SMAD6: variants seen among roughly 807,000 people sequenced by gnomAD.
SMAD6 encodes the protein SMAD family member 6.
In SMAD6, 103 loss-of-function variants were observed where a neutral mutation model predicts 39.4. The observed-to-expected ratio is 2.62, with a 90% CI of 2.23 to 3.08. The LOEUF (loss-of-function observed/expected upper bound fraction) is 3.08. SMAD6 is among the 30% of genes most tolerant of loss of function. The pLI, the probability that SMAD6 is intolerant of heterozygous loss-of-function variation, is 0.00. For missense variants in SMAD6, 1,104 were observed against 742.9 expected (o/e 1.49, Z -5.65); for synonymous variants, 445 against 353.3 (o/e 1.26, Z -2.91).
At chr15:66,780,497 G>A (rs1249718739) in intron 3 of SMAD6, among the ~76,000 whole-genome samples, 1 of 152,168 alleles carries the variant, frequency 6.6e-6, no homozygotes, top group Non-Finnish European at 1.5e-5. Flanking sequence ...CTGGCGGGGT[G>A]CCCTCCTCTG....
At chr15:66,751,130 C>G (rs539520904) in intron 3 of SMAD6, among the ~76,000 whole-genome samples, 3 of 152,274 alleles carry the variant, frequency 2.0e-5, no homozygotes, top group African/African-American at 4.8e-5. Context: ...GCCTGAGATT[C>G]TCTGAGTAAA....
At position 66,703,440 on chromosome 15, in the gene SMAD6, G is replaced by T. The variant is rs1306731976; in HGVS notation, c.182G>T (p.Arg61Leu). Residue 61 changes from arginine (R) to leucine (L), a missense_variant, in exon 1 of 4, where the codon CGC becomes CTC. Arg to Leu is a moderately radical substitution (Grantham distance 102). Coordinates refer to ENST00000288840, the MANE Select transcript of SMAD6 (RefSeq NM_005585.5). ...EGGGCGRSEVRPVAPRRPRDA... is the reference protein window; with the variant it reads ...EGGGCGRSEVLPVAPRRPRDA... ...GGAGGCTGCGGCCGCTCCGAAGTCCGCCCGGTAGCCCCGCGGCGGCCCCGG... is the reference window on the plus strand; with the variant it reads ...GGAGGCTGCGGCCGCTCCGAAGTCCTCCCGGTAGCCCCGCGGCGGCCCCGG... 1 of 1,279,070 alleles carries T rather than the reference G, an allele frequency of 7.8e-7. No homozygotes were observed. The highest frequency in any genetic ancestry group is 9.9e-7 in the Non-Finnish European group (1 of 1,009,424). The allele number at this position is 1,279,070 out of a possible 1,614,324, so 79.2% of individuals were successfully genotyped here. A position where few individuals can be genotyped will look rare whatever the true frequency, so the allele number is the denominator to read the frequency against.
At chr15:66,727,919 C>T (rs993411794) in intron 3 of SMAD6, among the ~76,000 whole-genome samples, 1 of 152,004 alleles carries the variant, frequency 6.6e-6, no homozygotes, top group East Asian at 1.9e-4. Context: ...ATGGCGCGAT[C>T]TCCGCTCGCG....
chr15:66,759,882 G>A (rs974054426), intron 3 of SMAD6, among the ~76,000 whole-genome samples: 4 of 152,220 alleles, frequency 2.6e-5, no homozygotes, highest in African/African-American at 4.8e-5. Flanking sequence ...ATTGGGAACT[G>A]TTTGGGTTCT....
chr15:66,777,402 CA>C (rs534292197), intron 3 of SMAD6, among the ~76,000 whole-genome samples: 1 of 151,840 alleles, frequency 6.6e-6, no homozygotes, highest in East Asian at 1.9e-4. Context: ...TAGGTTGGTG[CA>C]AAAGTAATTG....
intron 2 of SMAD6, among the ~76,000 whole-genome samples, chr15:66,713,350 C>T (rs1025024734): frequency 1.3e-5 from 2 of 152,148 alleles, no homozygotes; most frequent in African/African-American, 2.4e-5. Flanking sequence ...GATGGAGTCT[C>T]GCTCTGTCAC....
rs779863048 is a variant in SMAD6 at position 66,711,725 on chromosome 15, G to C, written c.874+1G>C. ...CCTCGCGACGAGTACAAGCCACTGGGTAAGTGTGCCCTCCTTCCTACCCTT... is the reference window on the plus strand; with the variant it reads ...CCTCGCGACGAGTACAAGCCACTGGCTAAGTGTGCCCTCCTTCCTACCCTT... On this transcript the variant is annotated splice_donor_variant, in intron 2 of 3. Coordinates refer to ENST00000288840, the MANE Select transcript of SMAD6 (RefSeq NM_005585.5). LOFTEE classifies it high-confidence loss of function. 3.7e-6 allele frequency: 6 copies of C among 1,612,630 alleles called. No individual in the cohort carries two copies. The highest frequency in any genetic ancestry group is 1.1e-5 in the South Asian group (1 of 91,070).
At chr15:66,730,849 A>G (rs1893614940) in intron 3 of SMAD6, among the ~76,000 whole-genome samples, 1 of 152,242 alleles carries the variant, frequency 6.6e-6, no homozygotes, top group Non-Finnish European at 1.5e-5. Flanking sequence ...GCTGGTAAAT[A>G]CAGAGCTGGG....
Position 66,781,490 on chromosome 15 carries a change from C to T in SMAD6, c.1446C>T (p.Thr482=), listed in dbSNP as rs752078834. ...WGPCYSRQFI[T]SCPCWLEILL... ...CCTGCTACTCCCGGCAGTTCATCACCTCCTGCCCCTGCTGGCTGGAGATCC... is the reference window on the plus strand; with the variant it reads ...CCTGCTACTCCCGGCAGTTCATCACTTCCTGCCCCTGCTGGCTGGAGATCC... Residue 482 remains threonine (T), a synonymous_variant, in exon 4 of 4, where the codon ACC becomes ACT. Coordinates refer to ENST00000288840, the MANE Select transcript of SMAD6 (RefSeq NM_005585.5). 6 of 1,580,140 alleles carry T rather than the reference C, an allele frequency of 3.8e-6. No homozygotes were observed. Among genetic ancestry groups the T allele is most frequent in the Non-Finnish European group, 5.1e-6 (6 of 1,165,514 alleles).
intron 3 of SMAD6, among the ~76,000 whole-genome samples, chr15:66,720,337 G>C (rs1403402566): frequency 6.6e-6 from 1 of 152,074 alleles, no homozygotes; most frequent in Non-Finnish European, 1.5e-5. Flanking sequence ...CAGAGGGCAG[G>C]GTTCTCTCAG....
rs113415026 is a variant in SMAD6, at chr15:66,723,568, A to G, written c.952+7070A>G. Among the ~76,000 whole-genome samples the G allele has an allele frequency of 4.9e-3, 746 of 152,262 alleles. 4 individuals carry two copies. Among genetic ancestry groups the G allele is most frequent in the African/African-American group, 0.017 (708 of 41,550 alleles). ...GTGGCACACACCTGTAGTCCCAGCC[A>G]CTGAGGTAGGAGGATCACTTGAGCT... On this transcript the variant is annotated intron_variant, in intron 3 of 3. Transcript: ENST00000288840.
intron 3 of SMAD6, among the ~76,000 whole-genome samples, chr15:66,722,405 C>T (rs1893449953): frequency 6.6e-6 from 1 of 152,184 alleles, no homozygotes; most frequent in Non-Finnish European, 1.5e-5. Context: ...GAATGGTGCT[C>T]TGAAACAATC....
Position 66,757,906 on chromosome 15 carries a change from C to T in SMAD6, c.953-23091C>T, listed in dbSNP as rs189651302. On this transcript the variant is annotated intron_variant, in intron 3 of 3. Transcript: ENST00000288840. ...GTGGCCTGACTAGGGGCAGTAGGGA[C>T]AGCTCTCAGGCACGTGTGCCTACCT... Among the ~76,000 whole-genome samples the T allele has an allele frequency of 2.4e-3, 372 of 152,326 alleles. 5 individuals carry two copies. Among genetic ancestry groups the T allele is most frequent in the African/African-American group, 8.6e-3 (359 of 41,568 alleles).
At chr15:66,743,560 T>C (rs992020254) in intron 3 of SMAD6, among the ~76,000 whole-genome samples, 1 of 140,662 alleles carries the variant, frequency 7.1e-6, no homozygotes, top group East Asian at 2.2e-4. Context: ...CCTACCTCAA[T>C]AGCATTTCCT....
At chr15:66,775,081 C>T (rs551590329) in intron 3 of SMAD6, among the ~76,000 whole-genome samples, 230 of 152,142 alleles carry the variant, frequency 1.5e-3, no homozygotes, top group African/African-American at 5.4e-3. Context: ...AGGCTGGTCT[C>T]GAACTCCTGA....
In SMAD6 at chr15:66,703,311, T is replaced by C; in HGVS notation, c.53T>C (p.Val18Ala). 1 of 1,489,982 alleles carries C rather than the reference T, an allele frequency of 6.7e-7. No individual in the cohort carries two copies. Among genetic ancestry groups the C allele is most frequent in the Non-Finnish European group, 8.9e-7 (1 of 1,119,048 alleles). The allele number at this position is 1,489,982 out of a possible 1,614,324, so 92.3% of individuals were successfully genotyped here. Residue 18 changes from valine to alanine, a missense_variant, in exon 1 of 4, where the codon GTG becomes GCG. Transcript: ENST00000288840. ...GTGCGGCGACTTTGGCGAAGTCGTG[T>C]GGTCCCCGACCGGGAGGAAGGCGGC... ...GLVRRLWRSR[V>A]VPDREEGGSG...
At chr15:66,707,026 A>T (rs903822028) in intron 1 of SMAD6, 1 of 151,166 alleles carries the variant, frequency 6.6e-6, no homozygotes, top group Admixed American at 6.6e-5. Flanking sequence ...TCAGGAGGGG[A>T]CCCACCTCTT....
chr15:66,754,087 T>C (rs1274636194), intron 3 of SMAD6, among the ~76,000 whole-genome samples: 1 of 152,222 alleles, frequency 6.6e-6, no homozygotes, highest in African/African-American at 2.4e-5. Flanking sequence ...GAATGGGTGC[T>C]ATGGCTGCCT....
At chr15:66,746,573 TCAC>T (rs1183220065) in intron 3 of SMAD6, among the ~76,000 whole-genome samples, 2 of 152,130 alleles carry the variant, frequency 1.3e-5, no homozygotes, top group African/African-American at 4.8e-5. Flanking sequence ...TTATTAAAAG[TCAC>T]TCACTCATTC....
Sources: gnomAD v4.1 joint callset for allele counts (sites outside exome capture counted in the v4.1 genomes callset) on GRCh38, gnomAD v4.1.1 for gene constraint, MANE v1.5 for transcripts, NCBI Gene and HGNC (gene_info 2026-07-23, HGNC 2026-07-21) for gene names.